DYM: variants seen among roughly 807,000 people sequenced by gnomAD.
DYM encodes the protein dymeclin.
In DYM, 78 loss-of-function variants were observed where a neutral mutation model predicts 93.1. That is an observed-to-expected ratio of 0.84 (90% CI 0.70 to 1.01). DYM has a LOEUF of 1.01. Among genes scored for constraint, DYM ranks in the 50% least tolerant of loss-of-function variants. The pLI is 0.00. For missense variants in DYM, 789 were observed against 845.0 expected, an observed-to-expected ratio of 0.93 and a Z score of 0.82; for synonymous variants, 321 against 319.7, an observed-to-expected ratio of 1.00 and a Z score of -0.04.
At chr18:49,411,335 A>G (rs1374916313) in intron 2 of DYM, among the ~76,000 whole-genome samples, 1 of 152,184 alleles carries the variant, frequency 6.6e-6, no homozygotes, top group Non-Finnish European at 1.5e-5. Flanking sequence ...AATCATGCAA[A>G]AATTATGTGA....
chr18:49,452,311 A>T (rs1455832902), intron 1 of DYM, among the ~76,000 whole-genome samples: 1 of 152,156 alleles, frequency 6.6e-6, no homozygotes, highest in Non-Finnish European at 1.5e-5. Context: ...GATTTATTGC[A>T]AAGAGTGAAA....
chr18:49,089,860 A>G (rs1019483882), intron 17 of DYM, among the ~76,000 whole-genome samples: 10 of 152,196 alleles, frequency 6.6e-5, no homozygotes, highest in Non-Finnish European at 1.5e-4. Flanking sequence ...TGGGTGTTCT[A>G]TTATGCCTTT....
At chr18:49,344,688 T>C (rs1376184153) in intron 6 of DYM, among the ~76,000 whole-genome samples, 1 of 151,804 alleles carries the variant, frequency 6.6e-6, no homozygotes, top group Non-Finnish European at 1.5e-5. Flanking sequence ...GTAGGACAAC[T>C]GTATAACCTT....
At chr18:49,266,348 G>A (rs2094570492) in intron 11 of DYM, among the ~76,000 whole-genome samples, 1 of 152,144 alleles carries the variant, frequency 6.6e-6, no homozygotes, top group Non-Finnish European at 1.5e-5. Flanking sequence ...TGGTATGGTG[G>A]CTCACACCTG....
chr18:49,450,964 T>C (rs1250046234), intron 1 of DYM, among the ~76,000 whole-genome samples: 1 of 152,210 alleles, frequency 6.6e-6, no homozygotes, highest in East Asian at 1.9e-4. Context: ...ATTGTAACAT[T>C]GGAAGAGAGA....
rs576675804 is a variant in DYM, at chr18:49,408,706, A to G, written c.141-17061T>C. ...TCTAAAATGGCCTACAGAGGAACCC[A>G]TAAAGGGTATGATGTCTAAGTAGCA... On this transcript the variant is annotated intron_variant, in intron 2 of 17. Transcript: ENST00000675505. Among the ~76,000 whole-genome samples the G allele has an allele frequency of 3.9e-5, 6 of 152,252 alleles. No homozygotes were observed. The South Asian group carries it at 1.2e-3, about 31-fold the overall frequency.
chr18:49,234,807 A>G (rs1460017722), intron 13 of DYM, among the ~76,000 whole-genome samples: 3 of 152,240 alleles, frequency 2.0e-5, no homozygotes, highest in Non-Finnish European at 4.4e-5. Context: ...TTAAAAGCAG[A>G]GAACTTTATC....
At chr18:49,044,374 C>T (rs2071194160) in intron 17 of DYM, among the ~76,000 whole-genome samples, 170 bp from the exon 18 acceptor site, 1 of 152,156 alleles carries the variant, frequency 6.6e-6, no homozygotes. Context: ...TCAAATGGCT[C>T]CTGAGAAAAT....
At chr18:49,277,882 G>A (rs372410884) in intron 10 of DYM, among the ~76,000 whole-genome samples, 16 of 152,324 alleles carry the variant, frequency 1.1e-4, no homozygotes, top group East Asian at 7.7e-4. Context: ...GCGGTTTAAA[G>A]AATAAAGAGA....
chr18:49,458,260 G>A (rs2083170080), intron 1 of DYM, among the ~76,000 whole-genome samples: 1 of 151,646 alleles, frequency 6.6e-6, no homozygotes, highest in South Asian at 2.1e-4. Flanking sequence ...TTTCTCTCCT[G>A]CCCTCCATTC....
At chr18:49,280,733 C>T (rs2094950615) in intron 10 of DYM, among the ~76,000 whole-genome samples, 1 of 152,194 alleles carries the variant, frequency 6.6e-6, no homozygotes, top group Admixed American at 6.5e-5. Flanking sequence ...CAATTCTTGA[C>T]CATCACCTTT....
intron 8 of DYM, among the ~76,000 whole-genome samples, chr18:49,290,594 T>C (rs2060047344): frequency 6.6e-6 from 1 of 152,004 alleles, no homozygotes; most frequent in African/African-American, 2.4e-5. Flanking sequence ...ATGTAGAATA[T>C]GGGAAAATCT....
chr18:49,074,698 G>C, intron 17 of DYM, among the ~76,000 whole-genome samples: 1 of 152,302 alleles, frequency 6.6e-6, no homozygotes, highest in Admixed American at 6.5e-5. Flanking sequence ...GTAGAACAGA[G>C]CTACAAATGA....
chr18:49,254,379 G>A (rs2094351121), intron 13 of DYM, among the ~76,000 whole-genome samples: 1 of 149,576 alleles, frequency 6.7e-6, no homozygotes, highest in East Asian at 2.0e-4. Context: ...CAAGCTGCTT[G>A]AGGTCAGGAA....
intron 11 of DYM, among the ~76,000 whole-genome samples, chr18:49,259,855 A>G (rs979089039): frequency 6.6e-6 from 1 of 152,190 alleles, no homozygotes; most frequent in Non-Finnish European, 1.5e-5. Context: ...TATTTTCTCC[A>G]ATTATGTTTA....
At chr18:49,328,557 A>G (rs2063079614) in intron 8 of DYM, among the ~76,000 whole-genome samples, 1 of 152,224 alleles carries the variant, frequency 6.6e-6, no homozygotes, top group African/African-American at 2.4e-5. Flanking sequence ...TAATATCCAC[A>G]ATCTACAAAG....
Position 49,363,174 on chromosome 18 carries a change from C to G in DYM, c.481G>C (p.Asp161His). The G allele has an allele frequency of 1.2e-6, 2 of 1,613,530 alleles. No individual in the cohort carries two copies. The highest frequency in any genetic ancestry group is 1.7e-6 in the Non-Finnish European group (2 of 1,179,542). ...LLCCLMQLITDIPLLDITYEI... is the reference protein window; with the variant it reads ...LLCCLMQLITHIPLLDITYEI... ...GCCAGAACTTACAAGAGTGGAATAT[C>G]AGTGATCAACTGCATCAAACAGCAC... Residue 161 changes from aspartate to histidine, a missense_variant, in exon 6 of 18, where the codon GAT becomes CAT. This residue lies in a region of DYM where 450 missense variants were observed against 436.2 expected (regional missense o/e 1.03). Coordinates refer to ENST00000675505, the MANE Select transcript of DYM (RefSeq NM_001353214.3).
At chr18:49,172,041 T>TCCC (rs2088813794) in intron 14 of DYM, among the ~76,000 whole-genome samples, 1 of 152,108 alleles carries the variant, frequency 6.6e-6, no homozygotes, top group African/African-American at 2.4e-5. Context: ...CCAATACCCT[T>TCCC]CCCCTCACCC....
intron 5 of DYM, among the ~76,000 whole-genome samples, chr18:49,371,625 C>T (rs1254311234): frequency 6.6e-6 from 1 of 152,060 alleles, no homozygotes; most frequent in African/African-American, 2.4e-5. Context: ...TCAGTATTAC[C>T]TTGGCAAGAA....
Sources: allele counts gnomAD v4.1 joint callset (sites outside exome capture counted in the v4.1 genomes callset), GRCh38; gene constraint gnomAD v4.1.1; regional missense constraint gnomAD v4.1.1; transcripts MANE v1.5; gene names NCBI Gene and HGNC (gene_info 2026-07-23, HGNC 2026-07-21).